TSPOAP1: variants seen among roughly 807,000 people sequenced by gnomAD.
TSPOAP1 encodes the protein peripheral-type benzodiazepine receptor-associated protein 1.
In TSPOAP1, 87 loss-of-function variants were observed where a neutral mutation model predicts 197.0. That is an observed-to-expected ratio of 0.44 (90% CI 0.37 to 0.53). The LOEUF is 0.53. Ranked by LOEUF, TSPOAP1 falls within the 20% of genes least tolerant of loss-of-function variation. The probability of loss-of-function intolerance (pLI) is 0.00; values close to 1 mark genes in which losing one functional copy is unlikely to be tolerated. For synonymous variants in TSPOAP1, 913 were observed against 998.9 expected, an observed-to-expected ratio of 0.91 and a Z score of 1.62; for missense variants, 2,174 against 2,411.3, an observed-to-expected ratio of 0.90 and a Z score of 2.06.
chr17:58,305,853 C>A lies in TSPOAP1; in HGVS notation c.5237G>T (p.Gly1746Val), dbSNP rs2144027253. The change falls in exon 27 of 32, where the codon GGC (glycine) becomes GTC (valine). Residue 1746 changes from glycine (G) to valine (V), a missense_variant. Around this residue, in one of 5 missense-constraint regions of TSPOAP1, gnomAD observed 161 missense variants for 159.1 expected, o/e 1.01. Transcript: ENST00000343736. Reference sequence around the variant, plus strand: ...TTCACCTGGACAGGGCTGGGCAGGGCCTTCCGACTCAGCTGTGGAAAGAAT... The same window carrying A: ...TTCACCTGGACAGGGCTGGGCAGGGACTTCCGACTCAGCTGTGGAAAGAAT... Reference protein sequence around the residue: ...PRRSKKAESEGPAQPCPGPPK... With the variant: ...PRRSKKAESEVPAQPCPGPPK... The A allele has an allele frequency of 1.2e-6, 2 of 1,612,790 alleles. No individual in the cohort carries two copies. Among genetic ancestry groups the A allele is most frequent in the Non-Finnish European group, 1.7e-6 (2 of 1,179,742 alleles).
Position 58,309,068 on chromosome 17 carries a change from C to T in TSPOAP1, c.4204G>A (p.Gly1402Arg), listed in dbSNP as rs765876386. The T allele has an allele frequency of 3.1e-6, 5 of 1,612,930 alleles. No homozygotes were observed. The highest frequency in any genetic ancestry group is 2.7e-5 in the African/African-American group (2 of 74,932). Residue 1402 changes from glycine (G) to arginine (R), a missense_variant, in exon 22 of 32, where the codon GGA becomes AGA. Gly to Arg is a moderately radical substitution (Grantham distance 125). Transcript: ENST00000343736. This position sits in a 1 kb window ranked among gnomAD's most constrained non-coding sequence, Gnocchi z 5.0. ...CCCCCTCCTCTCCTCCGGCTGCTTC[C>T]ACCAACTAATCCAGGCATGTCTTCC... ...CLEDMPGLVG[G>R]SSRRRGGGSP...
At position 58,322,194 on chromosome 17, in the gene TSPOAP1, CA is replaced by C. The variant is rs901592392; in HGVS notation, c.1422+113del. 3.7e-6 allele frequency: 4 copies of C among 1,074,694 alleles called. No homozygotes were observed. In the African/African-American group the frequency reaches 6.3e-5, roughly 17 times the overall value. The allele number at this position is 1,074,694 out of a possible 1,614,324, so 66.6% of individuals were successfully genotyped here. On this transcript the variant is annotated intron_variant, in intron 10 of 31. Coordinates refer to ENST00000343736, the MANE Select transcript of TSPOAP1 (RefSeq NM_004758.4). This position sits in a 1 kb window ranked among gnomAD's most constrained non-coding sequence, Gnocchi z 5.0. ...GCTCAGGGACCTGGTCTTTGTTCCCCACAGTCTCCCCGACGCCTAGCACAGT... is the reference window on the plus strand; with the variant it reads ...GCTCAGGGACCTGGTCTTTGTTCCCCCAGTCTCCCCGACGCCTAGCACAGT...
In TSPOAP1 at chr17:58,311,943, C is replaced by T. The variant is rs748389911; in HGVS notation, c.2878G>A (p.Glu960Lys). 6.3e-7 allele frequency: 1 copy of T among 1,591,870 alleles called. No individual in the cohort carries two copies. The highest frequency in any genetic ancestry group is 1.2e-5 in the South Asian group (1 of 86,938). ...PPQGPWEPGW[E>K]RLEQRAATLQ... ...GTGGCAGCCCGCTGCTCCAGCCTCT[C>T]CCAGCCTGGTTCCCAGGGCCCTTGG... The change falls in exon 17 of 32, where the codon GAG becomes AAG. Residue 960 changes from glutamate (E) to lysine (K), a missense_variant. Transcript: ENST00000343736.
chr17:58,316,399 G>C, intron 15 of TSPOAP1, 26 bp downstream of exon 15: 1 of 1,584,986 alleles, frequency 6.3e-7, no homozygotes, highest in Non-Finnish European at 8.6e-7. Flanking sequence ...GGCTGGGCTA[G>C]GGGGCAGTGA....
At position 58,327,904 on chromosome 17, in the gene TSPOAP1, G is replaced by A; in HGVS notation, c.17C>T (p.Thr6Ile). Residue 6 changes from threonine to isoleucine, a missense_variant, in exon 1 of 32, where the codon ACC becomes ATC. This residue lies in a region of TSPOAP1 where 1,933 missense variants were observed against 2,139.0 expected (regional missense o/e 0.90). Coordinates refer to ENST00000343736, the MANE Select transcript of TSPOAP1 (RefSeq NM_004758.4). ...TCCAGGGTCCCCAGGCCGTGGGAGG[G>A]TTGTCAGTTGCTCCATGGTACTGCC... MEQLTTLPRPGDPGAM... is the reference protein window; with the variant it reads MEQLTILPRPGDPGAM... The A allele has an allele frequency of 6.2e-7, 1 of 1,600,788 alleles. No homozygotes were observed.
intron 24 of TSPOAP1, 152 bp from the exon 25 acceptor site, chr17:58,307,120 G>T: frequency 1.2e-6 from 1 of 825,760 alleles, no homozygotes; most frequent in Non-Finnish European, 1.9e-6. Context: ...GCAAAGAACA[G>T]GATCAGAGGG....
chr17:58,328,172 G>T lies in TSPOAP1; in HGVS notation c.-252C>A. 1 of 545,172 alleles carries T rather than the reference G, an allele frequency of 1.8e-6. No individual in the cohort carries two copies. The allele number at this position is 545,172 out of a possible 1,614,324, so 33.8% of individuals were successfully genotyped here. ...CTGTGTGTGTGCGCGAGTATGTGGA[G>T]GAGCGAGGGTGTCCCTGTGGGGGTA... On this transcript the variant is annotated 5_prime_UTR_variant, in exon 1 of 32. Transcript: ENST00000343736. The surrounding 1 kb of genome is among the most constrained non-coding windows in gnomAD (Gnocchi z 4.3).
At position 58,324,074 on chromosome 17, in the gene TSPOAP1, T is replaced by C. The variant is rs1057436380; in HGVS notation, c.943-529A>G. Among the ~76,000 whole-genome samples the C allele has an allele frequency of 2.6e-5, 4 of 152,146 alleles. No individual in the cohort carries two copies. The highest frequency in any genetic ancestry group is 2.1e-4 in the South Asian group (1 of 4,824). On this transcript the variant is annotated intron_variant, in intron 5 of 31. Transcript: ENST00000343736. This position sits in a 1 kb window ranked among gnomAD's most constrained non-coding sequence, Gnocchi z 5.8. ...CACCTTCCGATTATCCGTGCAAACT[T>C]TGGGGGAGGACAGGTCTTGATGGGA...
In TSPOAP1 at chr17:58,302,423, A is replaced by G; in HGVS notation, c.*57T>C. On this transcript the variant is annotated 3_prime_UTR_variant, in exon 32 of 32. Coordinates refer to ENST00000343736, the MANE Select transcript of TSPOAP1 (RefSeq NM_004758.4). ...CAAGGCCCACCTGGGGGCCCTGGGG[A>G]CCCTTGTGTGGTGCAGCCCCAGTCC... The G allele has an allele frequency of 7.8e-7, 1 of 1,275,552 alleles. No individual in the cohort carries two copies. Among genetic ancestry groups the G allele is most frequent in the Non-Finnish European group, 1.0e-6 (1 of 983,196 alleles). 79.0% of individuals were successfully genotyped at this position (1,275,552 alleles called of 1,614,324 possible).
Position 58,326,828 on chromosome 17 carries a change from C to A in TSPOAP1, c.334-38G>T, listed in dbSNP as rs1167385243. Reference sequence around the variant, plus strand: ...AGGACCGAGGACAGCACCTCAGAAACCCACGTCACCCAGCCAGAGCCTTCC... The same window carrying A: ...AGGACCGAGGACAGCACCTCAGAAAACCACGTCACCCAGCCAGAGCCTTCC... On this transcript the variant is annotated intron_variant, in intron 1 of 31. Coordinates refer to ENST00000343736, the MANE Select transcript of TSPOAP1 (RefSeq NM_004758.4). This position sits in a 1 kb window ranked among gnomAD's most constrained non-coding sequence, Gnocchi z 4.7. 3.2e-6 allele frequency: 5 copies of A among 1,550,620 alleles called. No individual in the cohort carries two copies. In the South Asian group the frequency reaches 5.6e-5, roughly 17 times the overall value.
Position 58,308,598 on chromosome 17 carries a change from C to G in TSPOAP1, c.4674G>C (p.Gly1558=), listed in dbSNP as rs57193493. ...CACTGCGGCCTCTCCGCTCTGGTTC[C>G]CCTTTCTCCCAGGCTGGGAGGCGTG... ...PYPRLPAWEK[G]EPERRGRSAT... The change falls in exon 22 of 32, where the codon GGG becomes GGC. Residue 1558 remains glycine (G), a synonymous_variant. Transcript: ENST00000343736. The G allele has an allele frequency of 1.4e-3, 2,258 of 1,589,050 alleles. 16 individuals carry two copies. In the African/African-American group the frequency reaches 0.023, roughly 16 times the overall value.
At chr17:58,323,132 C>A in intron 7 of TSPOAP1, 93 bp from the exon 8 acceptor site, 1 of 1,494,776 alleles carries the variant, frequency 6.7e-7, no homozygotes, top group Non-Finnish European at 9.2e-7. Flanking sequence ...CAGGCAAGGC[C>A]TTCCTCCCCT....
rs969747709 is a variant in TSPOAP1 at position 58,310,518 on chromosome 17, C to T, written c.3693G>A (p.Arg1231=). The change falls in exon 20 of 32, where the codon AGG becomes AGA. Residue 1231 remains arginine, a synonymous_variant. Transcript: ENST00000343736. Reference sequence around the variant, plus strand: ...TGTGTCCCCAAACCCCTACCTCAGCCCTGGGCCTCAGCCCAGACCCTGGGT... The same window carrying T: ...TGTGTCCCCAAACCCCTACCTCAGCTCTGGGCCTCAGCCCAGACCCTGGGT... The part of the protein sequence containing the change: ...GGDPGSGLRP[R]AEKEDTAELG... 6.2e-7 allele frequency: 1 copy of T among 1,613,170 alleles called. No homozygotes were observed. Among genetic ancestry groups the T allele is most frequent in the Non-Finnish European group, 8.5e-7 (1 of 1,179,952 alleles).
chr17:58,320,057 T>C (rs1971358950), intron 12 of TSPOAP1, 52 bp downstream of exon 12: 1 of 1,612,430 alleles, frequency 6.2e-7, no homozygotes, highest in African/African-American at 1.3e-5. Context: ...AGGGAGGAGA[T>C]GCAACTCAGC....
chr17:58,316,465 G>T lies in TSPOAP1; in HGVS notation c.1948C>A (p.Arg650=), dbSNP rs148012035. The stretch of plus-strand genomic sequence containing the variant: ...AAGACCTGGATCCTGGCTCCTCCCC[G>T]GCTGCCCTCTGGCGCAGCTGGGAGC... The part of the protein sequence containing the change: ...SLLPAAPEGS[R]GGARIQVFLA... The change falls in exon 15 of 32, where the codon CGG becomes AGG. Residue 650 remains arginine (R), a synonymous_variant. Coordinates refer to ENST00000343736, the MANE Select transcript of TSPOAP1 (RefSeq NM_004758.4). The T allele has an allele frequency of 1.9e-6, 3 of 1,613,660 alleles. No homozygotes were observed. Among genetic ancestry groups the T allele is most frequent in the African/African-American group, 2.7e-5 (2 of 74,926 alleles).
At chr17:58,325,074 G>C (rs138728095) in intron 4 of TSPOAP1, 72 bp from the exon 5 acceptor site, 1 of 1,358,822 alleles carries the variant, frequency 7.4e-7, no homozygotes, top group Non-Finnish European at 9.9e-7. Context: ...ATCCCCTGCA[G>C]AGCCCTTCGC....
At position 58,324,995 on chromosome 17, in the gene TSPOAP1, G is replaced by A. The variant is rs1489012728; in HGVS notation, c.758C>T (p.Pro253Leu). 3.3e-6 allele frequency: 5 copies of A among 1,532,670 alleles called. No individual in the cohort carries two copies. Among genetic ancestry groups the A allele is most frequent in the African/African-American group, 2.8e-5 (2 of 72,720 alleles). The allele number at this position is 1,532,670 out of a possible 1,614,324, so 94.9% of individuals were successfully genotyped here. The change falls in exon 5 of 32, where the codon CCC (proline) becomes CTC (leucine). Residue 253 changes from proline (P) to leucine (L), a missense_variant. Physicochemically the swap from Pro to Leu is moderately conservative, Grantham distance 98. Around this residue, in one of 5 missense-constraint regions of TSPOAP1, gnomAD observed 1,933 missense variants for 2,139.0 expected, o/e 0.90. Coordinates refer to ENST00000343736, the MANE Select transcript of TSPOAP1 (RefSeq NM_004758.4). The surrounding 1 kb of genome is among the most constrained non-coding windows in gnomAD (Gnocchi z 5.8). ...ARLTLVGKEG[P>L]QWLHVRDFDR... ...GAAGTCCCGCACGTGGAGCCACTGG[G>A]GACCCTCCTGAGGTTGGGGGACAGG...
chr17:58,307,022 G>A lies in TSPOAP1; in HGVS notation c.4984-54C>T. 3 of 1,562,384 alleles carry A rather than the reference G, an allele frequency of 1.9e-6. No individual in the cohort carries two copies. The East Asian group carries it at 6.8e-5, about 35-fold the overall frequency. The stretch of plus-strand genomic sequence containing the variant: ...GTTCTGCTCACTCCCTATGCCCCTA[G>A]GCCCCGAACCCCAGCAACACCCCAC... On this transcript the variant is annotated intron_variant, in intron 24 of 31. Coordinates refer to ENST00000343736, the MANE Select transcript of TSPOAP1 (RefSeq NM_004758.4).
rs767985210 is a variant in TSPOAP1 at position 58,308,611 on chromosome 17, G to C, written c.4661C>G (p.Ala1554Gly). 16 of 1,598,014 alleles carry C rather than the reference G, an allele frequency of 1.0e-5. No homozygotes were observed. In the Admixed American group the frequency reaches 1.9e-4, roughly 19 times the overall value. ...SGPKPYPRLP[A>G]WEKGEPERRG... The stretch of plus-strand genomic sequence containing the variant: ...CCGCTCTGGTTCCCCTTTCTCCCAG[G>C]CTGGGAGGCGTGGGTAGGGCTTGGG... Residue 1554 changes from alanine to glycine, a missense_variant, in exon 22 of 32, where the codon GCC becomes GGC. By Grantham distance (60) the Ala-to-Gly change is moderately conservative (BLOSUM62 0). Around this residue, in one of 5 missense-constraint regions of TSPOAP1, gnomAD observed 1,933 missense variants for 2,139.0 expected, o/e 0.90. Transcript: ENST00000343736.
Sources: allele counts gnomAD v4.1 joint callset (sites outside exome capture counted in the v4.1 genomes callset), GRCh38; gene constraint gnomAD v4.1.1; regional missense constraint gnomAD v4.1.1; non-coding constraint Gnocchi (gnomAD v3.1); transcripts MANE v1.5; gene names NCBI Gene and HGNC (gene_info 2026-07-23, HGNC 2026-07-21).